AGBL4: variants seen among roughly 807,000 people sequenced by gnomAD.
AGBL4 encodes AGBL carboxypeptidase 4.
AGBL4 carries 58 observed loss-of-function variants against 66.4 expected under a neutral mutation model. That is an observed-to-expected ratio of 0.87 (90% confidence interval 0.71 to 1.09). The LOEUF is 1.09. AGBL4 is among the 50% of genes least tolerant of loss of function. AGBL4 has a pLI of 0.00. For synonymous variants in AGBL4, 234 were observed against 222.9 expected (o/e 1.05, Z -0.44); for missense variants, 579 against 631.0 (o/e 0.92, Z 0.88).
At chr1:48,562,428 A>T (rs1306196861) in intron 11 of AGBL4, among the ~76,000 whole-genome samples, 1 of 152,158 alleles carries the variant, frequency 6.6e-6, no homozygotes, top group Admixed American at 6.5e-5. Context: ...TTGAAGGCTT[A>T]ACCTCCCTTT....
At chr1:48,732,247 A>G (rs1210026642) in intron 6 of AGBL4, among the ~76,000 whole-genome samples, 11 of 152,064 alleles carry the variant, frequency 7.2e-5, no homozygotes, top group Admixed American at 2.6e-4. Flanking sequence ...GAGAGAAGTG[A>G]GCAGTGCAGT....
At chr1:49,196,498 GC>G (rs1647261471) in intron 4 of AGBL4, among the ~76,000 whole-genome samples, 1 of 151,850 alleles carries the variant, frequency 6.6e-6, no homozygotes, top group Admixed American at 6.6e-5. Context: ...TTTTTATCTG[GC>G]ATTTCAGAAT....
At chr1:49,570,293 C>T (rs750175590) in intron 3 of AGBL4, among the ~76,000 whole-genome samples, 8 of 152,050 alleles carry the variant, frequency 5.3e-5, no homozygotes, top group Non-Finnish European at 8.8e-5. Context: ...GATTCTATCT[C>T]ATTGTGGTTT....
At chr1:48,865,245 GA>G (rs1290458083) in intron 6 of AGBL4, among the ~76,000 whole-genome samples, 3 of 152,218 alleles carry the variant, frequency 2.0e-5, no homozygotes, top group African/African-American at 7.2e-5. Flanking sequence ...ACATGGAATA[GA>G]GTCATCCAGA....
chr1:49,016,277 C>T (rs1557562754), intron 5 of AGBL4, among the ~76,000 whole-genome samples: 3 of 152,122 alleles, frequency 2.0e-5, no homozygotes, highest in South Asian at 4.1e-4. Flanking sequence ...GTGCCTAATG[C>T]GGGGAGGCAG....
At chr1:49,101,644 G>A (rs935447688) in intron 4 of AGBL4, among the ~76,000 whole-genome samples, 3 of 152,106 alleles carry the variant, frequency 2.0e-5, no homozygotes, top group African/African-American at 7.2e-5. Context: ...AATTTAGTAG[G>A]GGTGTGGGTG....
At chr1:49,834,316 T>C (rs886715677) in intron 2 of AGBL4, among the ~76,000 whole-genome samples, 6 of 152,118 alleles carry the variant, frequency 3.9e-5, no homozygotes, top group Admixed American at 6.5e-5. Context: ...CTTGGGAGGG[T>C]GTATGTGTCC....
At chr1:49,480,237 A>C (rs1471955750) in intron 3 of AGBL4, among the ~76,000 whole-genome samples, 1 of 152,012 alleles carries the variant, frequency 6.6e-6, no homozygotes, top group Non-Finnish European at 1.5e-5. Flanking sequence ...GGTTAAACTA[A>C]TTTACACTCC....
intron 3 of AGBL4, among the ~76,000 whole-genome samples, chr1:49,440,761 C>CA (rs1646009782): frequency 6.6e-6 from 1 of 152,142 alleles, no homozygotes; most frequent in Non-Finnish European, 1.5e-5. Flanking sequence ...ATGAAAGGTG[C>CA]ACGTACAGCC....
chr1:49,881,893 T>G (rs2148144741), intron 1 of AGBL4, among the ~76,000 whole-genome samples: 1 of 152,196 alleles, frequency 6.6e-6, no homozygotes, highest in Non-Finnish European at 1.5e-5. Flanking sequence ...TTAGTTTAAT[T>G]AGATCCCATT....
intron 11 of AGBL4, among the ~76,000 whole-genome samples, chr1:48,579,774 C>G (rs566242552): frequency 6.7e-6 from 1 of 150,354 alleles, no homozygotes; most frequent in African/African-American, 2.4e-5. Context: ...AAAAATTAGC[C>G]GGGCACGGTG....
intron 10 of AGBL4, 54 bp downstream of exon 10, chr1:48,590,778 CG>C (rs1644902899): frequency 6.6e-7 from 1 of 1,525,300 alleles, no homozygotes. Flanking sequence ...AGAAGGAAGA[CG>C]GGGAGGCAGG....
chr1:49,944,603 A>C (rs1655050514), intron 1 of AGBL4, among the ~76,000 whole-genome samples: 1 of 152,110 alleles, frequency 6.6e-6, no homozygotes, highest in African/African-American at 2.4e-5. Context: ...ACCTACCCAA[A>C]TGAGAAGGAA....
At chr1:49,805,114 A>C (rs1644947790) in intron 2 of AGBL4, among the ~76,000 whole-genome samples, 1 of 152,256 alleles carries the variant, frequency 6.6e-6, no homozygotes, top group Non-Finnish European at 1.5e-5. Context: ...GAAATGAGGC[A>C]GAATCAGCAA....
At chr1:49,442,896 C>T (rs1225234211) in intron 3 of AGBL4, among the ~76,000 whole-genome samples, 1 of 152,140 alleles carries the variant, frequency 6.6e-6, no homozygotes, top group Non-Finnish European at 1.5e-5. Flanking sequence ...TACATTCCCA[C>T]CACGTGTATA....
chr1:49,901,526 G>T (rs531995451), intron 1 of AGBL4, among the ~76,000 whole-genome samples: 132 of 152,132 alleles, frequency 8.7e-4, no homozygotes, highest in African/African-American at 3.1e-3. Flanking sequence ...ACAAAACACT[G>T]ATCAAATTAG....
At chr1:49,455,399 A>G (rs900197609) in intron 3 of AGBL4, among the ~76,000 whole-genome samples, 1 of 151,700 alleles carries the variant, frequency 6.6e-6, no homozygotes. Flanking sequence ...AGCACTTTGT[A>G]AAATATATAG....
chr1:49,717,452 C>G (rs1648239253), intron 2 of AGBL4, among the ~76,000 whole-genome samples: 1 of 151,908 alleles, frequency 6.6e-6, no homozygotes, highest in East Asian at 1.9e-4. Context: ...TGTGTCTGAC[C>G]TCATCTCCTA....
intron 11 of AGBL4, among the ~76,000 whole-genome samples, chr1:48,552,103 G>A (rs530513110): frequency 7.9e-5 from 12 of 151,990 alleles, no homozygotes; most frequent in East Asian, 7.7e-4. Context: ...TTGCTCTGTC[G>A]CTCAGGCTGG....
Sources: gnomAD v4.1 joint callset for allele counts (sites outside exome capture counted in the v4.1 genomes callset) on GRCh38, gnomAD v4.1.1 for gene constraint, MANE v1.5 for transcripts, NCBI Gene and HGNC (gene_info 2026-07-23, HGNC 2026-07-21) for gene names.